PRMT7: variants seen among roughly 807,000 people sequenced by gnomAD.
PRMT7 encodes protein arginine N-methyltransferase 7.
A neutral mutation model predicts 85.4 loss-of-function variants in PRMT7; 75 were observed. The observed-to-expected ratio is 0.88, with a 90% CI of 0.73 to 1.06. The LOEUF is 1.06. Ranked by LOEUF, PRMT7 falls within the 50% of genes least tolerant of loss-of-function variation. The pLI is 0.00. For synonymous variants in PRMT7, 397 were observed against 359.5 expected, an observed-to-expected ratio of 1.10 and a Z score of -1.18; for missense variants, 868 against 915.2, an observed-to-expected ratio of 0.95 and a Z score of 0.67.
Position 68,348,347 on chromosome 16 carries a change from C to T in PRMT7, c.1329C>T (p.Phe443=). 6.2e-7 allele frequency: 1 copy of T among 1,600,848 alleles called. No individual in the cohort carries two copies. Among genetic ancestry groups the T allele is most frequent in the Non-Finnish European group, 8.6e-7 (1 of 1,168,388 alleles). Residue 443 remains phenylalanine, a synonymous_variant, in exon 14 of 19, where the codon TTC becomes TTT. Transcript: ENST00000441236. ...AASHKLLRKI[F]KANHLEDKIN... is the part of the protein sequence containing the mutation. ...TTTACGGTTTTCTTTCTAAGATCTTCAAGGCTAACCACTTGGAAGATAAAA... is the reference window on the plus strand; with the variant it reads ...TTTACGGTTTTCTTTCTAAGATCTTTAAGGCTAACCACTTGGAAGATAAAA...
At position 68,355,656 on chromosome 16, in the gene PRMT7, G is replaced by A. The variant is rs184288195; in HGVS notation, c.1651-67G>A. 7.8e-3 allele frequency: 10,894 copies of A among 1,401,398 alleles called. 64 individuals carry two copies. Among genetic ancestry groups the A allele is most frequent in the Admixed American group, 0.01 (376 of 36,828 alleles). 86.8% of individuals were successfully genotyped at this position (1,401,398 alleles called of 1,614,324 possible). ...GACTGCAGTCAGTGGGAGCCAAGCC[G>A]GGGAGCGGTACCTCTGTCTAGCTGC... On this transcript the variant is annotated intron_variant, in intron 16 of 18. Coordinates refer to ENST00000441236, the MANE Select transcript of PRMT7 (RefSeq NM_019023.5).
intron 14 of PRMT7, chr16:68,351,871 C>T (rs779556751): frequency 4.9e-5 from 8 of 164,206 alleles, no homozygotes; most frequent in Non-Finnish European, 7.9e-5. Context: ...TCTGGAAGCC[C>T]CGTCTGGCAC....
At chr16:68,352,081 C>A in intron 14 of PRMT7, 167 bp from the exon 15 acceptor site, 2 of 651,466 alleles carry the variant, frequency 3.1e-6, no homozygotes, top group Non-Finnish European at 5.2e-6. Context: ...GAGGGAGGGA[C>A]TGATGAGGGA....
chr16:68,322,876 CAAAA>C (rs1281160323), intron 4 of PRMT7, among the ~76,000 whole-genome samples: 1 of 151,432 alleles, frequency 6.6e-6, no homozygotes, highest in Non-Finnish European at 1.5e-5. Flanking sequence ...ACTAAAAATA[CAAAA>C]AAAAGCCGAG....
chr16:68,322,221 T>C (rs934932824), intron 4 of PRMT7, among the ~76,000 whole-genome samples: 1 of 152,118 alleles, frequency 6.6e-6, no homozygotes, highest in African/African-American at 2.4e-5. Context: ...TTTAATTTTA[T>C]TTTTTTGAGA....
rs546301649 is a variant in PRMT7, at chr16:68,332,941, C to T, written c.391+3767C>T. 3.0e-4 allele frequency among the ~76,000 whole-genome samples: 46 copies of T among 152,254 alleles called. No homozygotes were observed. The South Asian group carries it at 5.0e-3, about 16-fold the overall frequency. ...GCCCAGTTTTCTAGTTGATAACAGC[C>T]GGAGGGTAAGCCTGATCCCACTTAT... On this transcript the variant is annotated intron_variant, in intron 6 of 18. Transcript: ENST00000441236.
At position 68,346,177 on chromosome 16, in the gene PRMT7, G is replaced by T. The variant is rs370246355; in HGVS notation, c.1088G>T (p.Arg363Leu). 1 of 1,613,916 alleles carries T rather than the reference G, an allele frequency of 6.2e-7. No individual in the cohort carries two copies. Among genetic ancestry groups the T allele is most frequent in the African/African-American group, 1.3e-5 (1 of 74,890 alleles). Residue 363 changes from arginine to leucine, a missense_variant, in exon 11 of 19, where the codon CGC becomes CTC. Arg to Leu is a moderately radical substitution (Grantham distance 102). Transcript: ENST00000441236. ...PEKNERVRQM[R>L]PVCDCQAHLL... is the part of the protein sequence containing the mutation. ...AAGAATGAGAGAGTCCGCCAGATGC[G>T]CCCCGTGTGTGACTGCCAGGCTCAC...
chr16:68,318,662 T>C (rs1293204530), intron 3 of PRMT7: 1 of 152,214 alleles, frequency 6.6e-6, no homozygotes, highest in African/African-American at 2.4e-5. Context: ...GCCTCTTAGG[T>C]AACTGGGATT....
At chr16:68,322,307 C>T (rs1444057210) in intron 4 of PRMT7, 1 of 391,634 alleles carries the variant, frequency 2.6e-6, no homozygotes, top group Non-Finnish European at 5.2e-6. Flanking sequence ...TTAAGCGATC[C>T]CCCAACCTCA....
At chr16:68,326,711 A>C (rs1176866010) in intron 5 of PRMT7, among the ~76,000 whole-genome samples, 1 of 152,226 alleles carries the variant, frequency 6.6e-6, no homozygotes, top group African/African-American at 2.4e-5. Flanking sequence ...TGCAAAGGTC[A>C]GTTCCCCACG....
chr16:68,317,455 C>T (rs1341696719), intron 3 of PRMT7, among the ~76,000 whole-genome samples: 1 of 152,112 alleles, frequency 6.6e-6, no homozygotes, highest in Non-Finnish European at 1.5e-5. Flanking sequence ...GTAGTCCCAG[C>T]TACTTGGGAG....
intron 13 of PRMT7, among the ~76,000 whole-genome samples, chr16:68,348,097 G>C (rs1730264459): frequency 6.6e-6 from 1 of 152,168 alleles, no homozygotes; most frequent in African/African-American, 2.4e-5. Context: ...GGCTCGCACT[G>C]AGTCCTGGTG....
chr16:68,335,379 A>C (rs1190890767), intron 6 of PRMT7, among the ~76,000 whole-genome samples: 1 of 151,916 alleles, frequency 6.6e-6, no homozygotes, highest in Non-Finnish European at 1.5e-5. Context: ...ATTGAGGCAG[A>C]AACCCTGGAG....
downstream of PRMT7, chr16:68,360,139 A>G (rs536546716): frequency 3.2e-3 from 492 of 152,746 alleles, 1 homozygote; most frequent in Non-Finnish European, 4.8e-3. Flanking sequence ...CCCGGGGGGC[A>G]GGCAGGGGTT....
chr16:68,339,313 T>C lies in PRMT7; in HGVS notation c.505-9T>C, dbSNP rs2085171118. ...TTTTTGTTTGGTTTTGTTTTTAATA[T>C]AAACTTAGGAAAATTGTGAGGCCGT... On this transcript the variant is annotated splice_polypyrimidine_tract_variant and intron_variant, in intron 7 of 18. Coordinates refer to ENST00000441236, the MANE Select transcript of PRMT7 (RefSeq NM_019023.5). The C allele has an allele frequency of 1.2e-6, 2 of 1,613,030 alleles. No individual in the cohort carries two copies. Among genetic ancestry groups the C allele is most frequent in the Non-Finnish European group, 1.7e-6 (2 of 1,179,120 alleles).
chr16:68,341,091 G>A (rs891603582), intron 9 of PRMT7, among the ~76,000 whole-genome samples: 4 of 152,214 alleles, frequency 2.6e-5, no homozygotes, highest in African/African-American at 9.7e-5. Flanking sequence ...TCTGGGAATG[G>A]GGACTGGAGG....
chr16:68,313,387 C>T (rs1322549959), intron 2 of PRMT7, among the ~76,000 whole-genome samples: 1 of 152,164 alleles, frequency 6.6e-6, no homozygotes, highest in African/African-American at 2.4e-5. Context: ...ACATGGACCA[C>T]AGGATTAGTA....
At chr16:68,320,641 C>T (rs1053636830) in intron 3 of PRMT7, among the ~76,000 whole-genome samples, 1 of 152,194 alleles carries the variant, frequency 6.6e-6, no homozygotes, top group Non-Finnish European at 1.5e-5. Flanking sequence ...ACGAGCATGT[C>T]ACAGTGCTGC....
rs141699263 is a variant in PRMT7 at position 68,337,543 on chromosome 16, A to G, written c.476A>G (p.Tyr159Cys). 5.0e-6 allele frequency: 8 copies of G among 1,610,768 alleles called. No individual in the cohort carries two copies. The highest frequency in any genetic ancestry group is 5.1e-6 in the Non-Finnish European group (6 of 1,177,594). ...ELIGEGALPS[Y>C]EHAHRHLVEE... ...ATCGGGGAGGGGGCGCTGCCCTCCTATGAGCACGCACACAGGCATCTCGTG... is the reference window on the plus strand; with the variant it reads ...ATCGGGGAGGGGGCGCTGCCCTCCTGTGAGCACGCACACAGGCATCTCGTG... The change falls in exon 7 of 19, where the codon TAT becomes TGT. Residue 159 changes from tyrosine (Y) to cysteine (C), a missense_variant. Coordinates refer to ENST00000441236, the MANE Select transcript of PRMT7 (RefSeq NM_019023.5).
Sources: allele counts gnomAD v4.1 joint callset (sites outside exome capture counted in the v4.1 genomes callset), GRCh38; gene constraint gnomAD v4.1.1; transcripts MANE v1.5; gene names NCBI Gene and HGNC (gene_info 2026-07-23, HGNC 2026-07-21).